KIAA0586: variants seen among roughly 807,000 people sequenced by gnomAD.
KIAA0586 encodes the protein protein TALPID3.
In KIAA0586, 144 loss-of-function variants were observed where a neutral mutation model predicts 169.8. That is an observed-to-expected ratio of 0.85 (90% CI 0.74 to 0.97). KIAA0586 has a LOEUF of 0.97. Among genes scored for constraint, KIAA0586 ranks in the 50% least tolerant of loss-of-function variants. The pLI is 0.00. For synonymous variants in KIAA0586, 625 were observed against 612.4 expected, an observed-to-expected ratio of 1.02 and a Z score of -0.30; for missense variants, 1,854 against 1,823.0, an observed-to-expected ratio of 1.02 and a Z score of -0.31.
intron 29 of KIAA0586, among the ~76,000 whole-genome samples, chr14:58,515,235 C>T (rs182245790): frequency 2.0e-5 from 3 of 151,350 alleles, no homozygotes; most frequent in African/African-American, 4.8e-5. Flanking sequence ...GTAGATTACA[C>T]GTTACTCAGA....
chr14:58,477,943 T>C (rs1030527685), intron 20 of KIAA0586, among the ~76,000 whole-genome samples: 5 of 152,080 alleles, frequency 3.3e-5, no homozygotes, highest in East Asian at 1.9e-4. Context: ...ACCTCCTCCT[T>C]GTTTTTTTGA....
intron 18 of KIAA0586, 28 bp from the exon 19 acceptor site, chr14:58,474,579 A>T (rs781295573): frequency 6.8e-7 from 1 of 1,479,996 alleles, no homozygotes; most frequent in South Asian, 1.3e-5. Flanking sequence ...ATACATGAAT[A>T]TAATAGTTTT....
intron 11 of KIAA0586, 75 bp downstream of exon 11, chr14:58,458,054 C>T (rs1225163640): frequency 3.4e-6 from 3 of 892,216 alleles, no homozygotes; most frequent in East Asian, 2.7e-5. Flanking sequence ...TTTCTAAGCA[C>T]TGTATTTTCC....
chr14:58,477,882 C>T (rs190338982), intron 20 of KIAA0586, among the ~76,000 whole-genome samples: 3 of 151,750 alleles, frequency 2.0e-5, no homozygotes, highest in African/African-American at 7.3e-5. Context: ...TCCCCATTCT[C>T]TTCCCCATTT....
rs1487221663 is a variant in KIAA0586, at chr14:58,439,801, A to T, written c.411-2905A>T. On this transcript the variant is annotated intron_variant, in intron 4 of 30. Transcript: ENST00000652326. ...GAGGAGTAAGTTTAAGAGTTCTGTGATGCCCTTAAAAGTCGACGGGGAAGT... is the reference window on the plus strand; with the variant it reads ...GAGGAGTAAGTTTAAGAGTTCTGTGTTGCCCTTAAAAGTCGACGGGGAAGT... 1.8e-5 allele frequency: 18 copies of T among 979,144 alleles called. No individual in the cohort carries two copies. The African/African-American group carries it at 3.2e-4, about 17-fold the overall frequency. The allele number at this position is 979,144 out of a possible 1,614,324, so 60.7% of individuals were successfully genotyped here. A position where few individuals can be genotyped will look rare whatever the true frequency, so the allele number is the denominator to read the frequency against.
intron 8 of KIAA0586, among the ~76,000 whole-genome samples, chr14:58,452,376 C>A (rs1051331784): frequency 7.2e-5 from 11 of 152,074 alleles, no homozygotes; most frequent in African/African-American, 2.4e-4. Flanking sequence ...CACTTTAATT[C>A]TTGGAATCAT....
At chr14:58,497,316 A>C (rs375914429) in intron 26 of KIAA0586, among the ~76,000 whole-genome samples, 77 of 152,048 alleles carry the variant, frequency 5.1e-4, no homozygotes, top group African/African-American at 1.8e-3. Context: ...TCCCAAGGAA[A>C]ATAACATTAT....
chr14:58,474,982 C>T (rs2041495794), intron 19 of KIAA0586, among the ~76,000 whole-genome samples, 185 bp downstream of exon 19: 1 of 152,134 alleles, frequency 6.6e-6, no homozygotes, highest in African/African-American at 2.4e-5. Context: ...TTGTTTTTGT[C>T]CTTGAATATT....
Position 58,496,960 on chromosome 14 carries a change from A to G in KIAA0586, c.3991-1823A>G, listed in dbSNP as rs182249262. Among the ~76,000 whole-genome samples the G allele has an allele frequency of 2.8e-5, 4 of 141,352 alleles. No individual in the cohort carries two copies. The South Asian group carries it at 7.0e-4, about 25-fold the overall frequency. 92.7% of individuals were successfully genotyped at this position (141,352 alleles called of 152,430 possible). A position where few individuals can be genotyped will look rare whatever the true frequency, so the allele number is the denominator to read the frequency against. ...TTTCATTTGTTCATTTATTTCATAG[A>G]TTTCATTTAAAACAATTTTTTTTTT... On this transcript the variant is annotated intron_variant, in intron 26 of 30. Coordinates refer to ENST00000652326, the MANE Select transcript of KIAA0586 (RefSeq NM_001329943.3).
At position 58,543,425 on chromosome 14, in the gene KIAA0586, G is replaced by A. The variant is rs115219480; in HGVS notation, c.4495+3289G>A. 9.0e-3 allele frequency among the ~76,000 whole-genome samples: 1,371 copies of A among 152,272 alleles called. 17 individuals carry two copies. Among genetic ancestry groups the A allele is most frequent in the African/African-American group, 0.031 (1,278 of 41,552 alleles). On this transcript the variant is annotated intron_variant, in intron 30 of 30. Transcript: ENST00000652326. ...TCTCCAGAGTCTAGAACAGTGCCAG[G>A]CACATAGTAGGTGCACAGTTGATAT... is the stretch of plus-strand genomic sequence containing the variant.
chr14:58,528,552 A>C (rs2045747428), intron 29 of KIAA0586, among the ~76,000 whole-genome samples: 1 of 152,230 alleles, frequency 6.6e-6, no homozygotes, highest in Admixed American at 6.5e-5. Context: ...TAACAAACTC[A>C]CTCAAAACGG....
intron 4 of KIAA0586, chr14:58,440,017 G>C: frequency 4.5e-6 from 1 of 219,940 alleles, no homozygotes; most frequent in Non-Finnish European, 9.0e-6. Flanking sequence ...TGCTGGACTT[G>C]TTTTCATTTC....
chr14:58,509,329 T>C (rs981992045), intron 28 of KIAA0586, among the ~76,000 whole-genome samples: 6 of 152,212 alleles, frequency 3.9e-5, no homozygotes, highest in Non-Finnish European at 7.3e-5. Flanking sequence ...GTAATTTACA[T>C]ATAGTAGGTG....
chr14:58,521,235 G>A (rs763793373), intron 29 of KIAA0586: 74 of 1,050,540 alleles, frequency 7.0e-5, no homozygotes, highest in Non-Finnish European at 9.7e-5. Flanking sequence ...GGCCAGCAAC[G>A]TTGCCGACAA....
Position 58,461,157 on chromosome 14 carries a change from A to T in KIAA0586, c.2056A>T (p.Lys686Ter), listed in dbSNP as rs779092136. ...GAGACCAAAAGTAATAGAACGAGTT[A>T]AAGGTAAGGAATCTCATTTTTAATG... ...PQRPKVIERV[K>*]GTKVKSIRTQ... Residue 686 changes from lysine to a stop codon, truncating the protein, a stop_gained, in exon 14 of 31, where the codon AAA becomes TAA. Coordinates refer to ENST00000652326, the MANE Select transcript of KIAA0586 (RefSeq NM_001329943.3). LOFTEE classifies it high-confidence loss of function. 6.4e-7 allele frequency: 1 copy of T among 1,556,506 alleles called. No homozygotes were observed. The highest frequency in any genetic ancestry group is 2.3e-5 in the East Asian group (1 of 42,754).
chr14:58,455,243 CT>C (rs2039722734), intron 9 of KIAA0586, among the ~76,000 whole-genome samples: 1 of 320 alleles, frequency 3.1e-3, no homozygotes, highest in East Asian at 0.5. Flanking sequence ...CATTCTTATA[CT>C]TTCCTTTAAT....
intron 27 of KIAA0586, among the ~76,000 whole-genome samples, chr14:58,499,550 C>A (rs1219203812): frequency 6.7e-6 from 1 of 149,902 alleles, no homozygotes; most frequent in Non-Finnish European, 1.5e-5. Flanking sequence ...CCGCGCCTAG[C>A]CTATTTTATT....
chr14:58,548,036 G>GAA lies in KIAA0586; in HGVS notation c.*112_*113dup. 1 of 1,286,772 alleles carries GAA rather than the reference G, an allele frequency of 7.8e-7. No homozygotes were observed. The highest frequency in any genetic ancestry group is 1.0e-6 in the Non-Finnish European group (1 of 960,128). The allele number at this position is 1,286,772 out of a possible 1,614,324, so 79.7% of individuals were successfully genotyped here. On this transcript the variant is annotated 3_prime_UTR_variant, in exon 31 of 31. Coordinates refer to ENST00000652326, the MANE Select transcript of KIAA0586 (RefSeq NM_001329943.3). Reference sequence around the variant, plus strand: ...ACTGTTTGGTTTTTGAGCATATTCTGAAAAAAAAATTCCAATATTTTAAAA... The same window carrying GAA: ...ACTGTTTGGTTTTTGAGCATATTCTGAAAAAAAAAAATTCCAATATTTTAAAA...
chr14:58,433,914 A>G (rs935326001), intron 4 of KIAA0586, among the ~76,000 whole-genome samples: 1 of 152,022 alleles, frequency 6.6e-6, no homozygotes, highest in African/African-American at 2.4e-5. Context: ...TGGAAGGATC[A>G]CTTGGGCCTA....
Sources: allele counts gnomAD v4.1 joint callset (sites outside exome capture counted in the v4.1 genomes callset), GRCh38; gene constraint gnomAD v4.1.1; transcripts MANE v1.5; gene names NCBI Gene and HGNC (gene_info 2026-07-23, HGNC 2026-07-21).